Variants in NKAIN2 observed in about 807,000 individuals in gnomAD.
NKAIN2 encodes sodium/potassium-transporting ATPase subunit beta-1-interacting protein 2.
Under a neutral mutation model 32.6 loss-of-function variants are expected in NKAIN2, and 14 were observed. That is an observed-to-expected ratio of 0.43 (90% CI 0.28 to 0.67). The LOEUF is 0.67. Ranked by LOEUF, NKAIN2 falls within the 30% of genes least tolerant of loss-of-function variation. NKAIN2 has a pLI of 0.17. For synonymous variants in NKAIN2, 80 were observed against 87.2 expected (o/e 0.92, Z 0.46); for missense variants, 198 against 258.3 (o/e 0.77, Z 1.60).
intron 3 of NKAIN2, among the ~76,000 whole-genome samples, chr6:124,434,252 G>C (rs906482595): frequency 2.0e-5 from 3 of 152,096 alleles, no homozygotes; most frequent in Non-Finnish European, 2.9e-5. Context: ...TTTTATTTGG[G>C]ACATTTGTTT....
intron 3 of NKAIN2, among the ~76,000 whole-genome samples, chr6:124,539,722 A>ATTTG (rs1368024368): frequency 6.6e-6 from 1 of 151,880 alleles, no homozygotes; most frequent in Non-Finnish European, 1.5e-5. Flanking sequence ...TTGTTTGTTC[A>ATTTG]TTTGTTTGTT....
chr6:123,900,532 GTTTTT>G (rs34370743), intron 1 of NKAIN2, among the ~76,000 whole-genome samples: 19 of 32,762 alleles, frequency 5.8e-4, no homozygotes, highest in Non-Finnish European at 6.7e-4. Context: ...CTCCAGATTA[GTTTTT>G]TTTTTTTTTT....
intron 1 of NKAIN2, among the ~76,000 whole-genome samples, chr6:124,163,572 G>A (rs1788384377): frequency 6.6e-6 from 1 of 151,920 alleles, no homozygotes; most frequent in Non-Finnish European, 1.5e-5. Context: ...ATGTAAAATG[G>A]TAAGACATTT....
chr6:124,437,880 T>TTTTTTG (rs1310348809), intron 3 of NKAIN2: 5 of 409,010 alleles, frequency 1.2e-5, no homozygotes, highest in Non-Finnish European at 2.4e-5. Flanking sequence ...TGATTTTTTT[T>TTTTTTG]TTTTTTTTTT....
intron 4 of NKAIN2, among the ~76,000 whole-genome samples, chr6:124,695,149 T>C (rs557750481): frequency 1.1e-3 from 163 of 151,402 alleles, no homozygotes; most frequent in Middle Eastern, 0.01. Context: ...AAACAGGATT[T>C]ACTGCTACTG....
At position 123,964,465 on chromosome 6, in the gene NKAIN2, A is replaced by C. The variant is rs1777988223; in HGVS notation, c.54+160211A>C. On this transcript the variant is annotated intron_variant, in intron 1 of 6. Transcript: ENST00000368417. This position sits in a 1 kb window ranked among gnomAD's most constrained non-coding sequence, Gnocchi z 4.0. ...AGTCATCTGGATCAGGTATATAAAA[A>C]CTTCCCTTAAAAGTGGTCTCTGCTA... Among the ~76,000 whole-genome samples the C allele has an allele frequency of 6.6e-6, 1 of 152,082 alleles. No individual in the cohort carries two copies. The highest frequency in any genetic ancestry group is 1.5e-5 in the Non-Finnish European group (1 of 68,002).
chr6:123,947,672 G>C (rs1038007766), intron 1 of NKAIN2, among the ~76,000 whole-genome samples: 3 of 152,074 alleles, frequency 2.0e-5, no homozygotes, highest in Non-Finnish European at 2.9e-5. Context: ...GTGATATTTT[G>C]TTGCATGCAT....
chr6:124,582,228 A>T lies in NKAIN2; in HGVS notation c.274-75958A>T, dbSNP rs368658794. Among the ~76,000 whole-genome samples, 3 of 152,178 alleles carry T rather than the reference A, an allele frequency of 2.0e-5. No individual in the cohort carries two copies. The East Asian group carries it at 5.8e-4, about 29-fold the overall frequency. On this transcript the variant is annotated intron_variant, in intron 3 of 6. Transcript: ENST00000368417. Reference sequence around the variant, plus strand: ...AAACTCAAAGGATCATTAGGAGATCATTAGTAGCTCATTAGTAGACTCATT... The same window carrying T: ...AAACTCAAAGGATCATTAGGAGATCTTTAGTAGCTCATTAGTAGACTCATT...
At chr6:123,881,210 C>T (rs1232413127) in intron 1 of NKAIN2, among the ~76,000 whole-genome samples, 2 of 152,172 alleles carry the variant, frequency 1.3e-5, no homozygotes, top group Admixed American at 6.5e-5. Flanking sequence ...TTAGTAGAGA[C>T]GGGATTTCAC....
At chr6:124,555,907 C>G (rs931891523) in intron 3 of NKAIN2, among the ~76,000 whole-genome samples, 19 of 152,164 alleles carry the variant, frequency 1.2e-4, no homozygotes, top group Admixed American at 2.0e-4. Flanking sequence ...GTTGGTGTCA[C>G]CACACCTCTA....
At chr6:124,282,983 C>G in intron 1 of NKAIN2, 22 bp from the exon 2 acceptor site, 2 of 1,611,962 alleles carry the variant, frequency 1.2e-6, no homozygotes, top group Non-Finnish European at 1.7e-6. Context: ...GCTGATCTGT[C>G]CATCCTGTTT....
At chr6:124,210,364 G>C (rs1187500506) in intron 1 of NKAIN2, among the ~76,000 whole-genome samples, 1 of 151,890 alleles carries the variant, frequency 6.6e-6, no homozygotes, top group East Asian at 1.9e-4. Context: ...TAAAAGTCAG[G>C]TAATGTGATC....
intron 3 of NKAIN2, among the ~76,000 whole-genome samples, chr6:124,377,033 G>A (rs949127907): frequency 6.6e-6 from 1 of 152,100 alleles, no homozygotes; most frequent in African/African-American, 2.4e-5. Context: ...ACCCATTTAA[G>A]GTGGGTTTAG....
chr6:124,616,895 C>T (rs898949037), intron 3 of NKAIN2, among the ~76,000 whole-genome samples: 1 of 151,848 alleles, frequency 6.6e-6, no homozygotes, highest in Non-Finnish European at 1.5e-5. Context: ...TATCCTATTT[C>T]CTAAAGATTG....
intron 4 of NKAIN2, among the ~76,000 whole-genome samples, chr6:124,760,270 G>A (rs1023625684): frequency 6.6e-6 from 1 of 151,788 alleles, no homozygotes; most frequent in African/African-American, 2.4e-5. Context: ...GATGGGAGGA[G>A]GGAGAGCAGC....
chr6:124,547,940 G>T (rs1215571055), intron 3 of NKAIN2, among the ~76,000 whole-genome samples: 2 of 152,124 alleles, frequency 1.3e-5, no homozygotes, highest in African/African-American at 4.8e-5. Flanking sequence ...ATTCAGGTCA[G>T]TGCAAAATAA....
chr6:124,483,000 T>C (rs951431477), intron 3 of NKAIN2, among the ~76,000 whole-genome samples: 10 of 152,012 alleles, frequency 6.6e-5, no homozygotes, highest in Non-Finnish European at 1.3e-4. Context: ...TGGGCGCCTG[T>C]AGTCCCAGCT....
chr6:124,562,590 CTT>C (rs1289728175), intron 3 of NKAIN2, among the ~76,000 whole-genome samples: 1 of 152,118 alleles, frequency 6.6e-6, no homozygotes, highest in Non-Finnish European at 1.5e-5. Context: ...AAAATTAAAA[CTT>C]AAAATGTTCA....
At chr6:124,004,497 C>T (rs572133877) in intron 1 of NKAIN2, among the ~76,000 whole-genome samples, 113 of 151,930 alleles carry the variant, frequency 7.4e-4, no homozygotes, top group African/African-American at 2.6e-3. Flanking sequence ...TAACTGAAAC[C>T]GATCAACTGC....
Sources: allele counts gnomAD v4.1 joint callset (sites outside exome capture counted in the v4.1 genomes callset), GRCh38; gene constraint gnomAD v4.1.1; non-coding constraint Gnocchi (gnomAD v3.1); transcripts MANE v1.5; gene names NCBI Gene and HGNC (gene_info 2026-07-23, HGNC 2026-07-21).